KCNMA1: variants seen among roughly 807,000 people sequenced by gnomAD.
KCNMA1 encodes potassium calcium-activated channel subfamily M alpha 1, also known as Calcium-activated potassium channel subunit alpha-1.
KCNMA1 carries 29 observed loss-of-function variants against 140.0 expected under a neutral mutation model. That is an observed-to-expected ratio of 0.21 (90% confidence interval 0.15 to 0.28). KCNMA1 has a LOEUF of 0.28. Ranked by LOEUF, KCNMA1 falls within the 10% of genes least tolerant of loss-of-function variation. The pLI is 1.00. For synonymous variants in KCNMA1, 612 were observed against 611.9 expected (o/e 1.00, Z 0.00); for missense variants, 880 against 1,602.2 (o/e 0.55, Z 7.70).
At chr10:77,177,653 C>T (rs1304372632) in intron 5 of KCNMA1, among the ~76,000 whole-genome samples, 1 of 151,980 alleles carries the variant, frequency 6.6e-6, no homozygotes, top group Non-Finnish European at 1.5e-5. Flanking sequence ...GGGTACACAC[C>T]ATGCTCCACA....
intron 1 of KCNMA1, among the ~76,000 whole-genome samples, chr10:77,558,695 T>C (rs965894137): frequency 1.4e-4 from 22 of 152,032 alleles, no homozygotes; most frequent in African/African-American, 5.3e-4. Flanking sequence ...CCCCTGCCAG[T>C]TGAGAACACT....
chr10:77,260,163 G>C (rs563683584), intron 2 of KCNMA1, among the ~76,000 whole-genome samples: 3 of 152,274 alleles, frequency 2.0e-5, no homozygotes, highest in Admixed American at 2.0e-4. Context: ...TAGAGGTCGA[G>C]GGTCTGAGAC....
chr10:77,591,330 A>G (rs2079088427), intron 1 of KCNMA1, among the ~76,000 whole-genome samples: 3 of 152,228 alleles, frequency 2.0e-5, no homozygotes, highest in Non-Finnish European at 4.4e-5. Flanking sequence ...TTCAAGCCTC[A>G]GACCCACCTC....
chr10:77,001,489 C>G lies in KCNMA1; in HGVS notation c.2184G>C (p.Val728=), dbSNP rs769249964. The G allele has an allele frequency of 5.2e-6, 8 of 1,552,008 alleles. No homozygotes were observed. The highest frequency in any genetic ancestry group is 2.0e-5 in the Admixed American group (1 of 51,000). Residue 728 remains valine (V), a synonymous_variant, in exon 19 of 28, where the codon GTG becomes GTC. Coordinates refer to ENST00000286628, the MANE Select transcript of KCNMA1 (RefSeq NM_001161352.2). ...TCTCAAGGGTGTCCACGTTACCACG[C>G]ACACGGCCTGACATGCATGAGCAGT... The part of the protein sequence containing the change: ...ERDCSCMSGR[V]RGNVDTLERA...
At chr10:77,439,089 A>AGAGAT (rs1566856642) in intron 1 of KCNMA1, among the ~76,000 whole-genome samples, 1 of 69,978 alleles carries the variant, frequency 1.4e-5, no homozygotes. Context: ...AGAAAAGAAA[A>AGAGAT]GAGAAGAGAA....
Position 76,889,113 on chromosome 10 carries a change from C to A in KCNMA1, c.3461+338G>T, listed in dbSNP as rs143100204. On this transcript the variant is annotated intron_variant, in intron 27 of 27. Transcript: ENST00000286628. The stretch of plus-strand genomic sequence containing the variant: ...CAAAAAAACTTATCTTAAACACTAG[C>A]AATGTAAAATATCTCTATATTAGGT... Among the ~76,000 whole-genome samples, 4 of 152,188 alleles carry A rather than the reference C, an allele frequency of 2.6e-5. No homozygotes were observed. The East Asian group carries it at 7.7e-4, about 29-fold the overall frequency.
At chr10:77,240,098 A>T (rs2154226149) in intron 3 of KCNMA1, among the ~76,000 whole-genome samples, 1 of 152,332 alleles carries the variant, frequency 6.6e-6, no homozygotes, top group Non-Finnish European at 1.5e-5. Context: ...CTCTCTTCTT[A>T]TAAAAAAAGA....
At chr10:77,542,764 G>T (rs1259508549) in intron 1 of KCNMA1, among the ~76,000 whole-genome samples, 2 of 152,168 alleles carry the variant, frequency 1.3e-5, no homozygotes, top group Non-Finnish European at 2.9e-5. Context: ...GGGTGAGGGT[G>T]GGGGCAGGAA....
Position 77,178,518 on chromosome 10 carries a change from C to T in KCNMA1, c.808+4903G>A, listed in dbSNP as rs1477660320. Among the ~76,000 whole-genome samples the T allele has an allele frequency of 3.3e-5, 5 of 152,122 alleles. 1 individual carries two copies. In the East Asian group the frequency reaches 5.8e-4, roughly 18 times the overall value. Reference sequence around the variant, plus strand: ...GGTCAGGAGTTTGAGACCAGCCTGGCCAACATGGCGATCCCGTCTCTACTA... The same window carrying T: ...GGTCAGGAGTTTGAGACCAGCCTGGTCAACATGGCGATCCCGTCTCTACTA... On this transcript the variant is annotated intron_variant, in intron 5 of 27. Transcript: ENST00000286628.
intron 3 of KCNMA1, among the ~76,000 whole-genome samples, chr10:77,205,613 G>C (rs955379642): frequency 1.4e-5 from 2 of 140,662 alleles, no homozygotes; most frequent in South Asian, 2.2e-4. Flanking sequence ...GTCTTAGATT[G>C]ATGAAGGTTT....
chr10:77,567,372 T>C (rs970586556), intron 1 of KCNMA1, among the ~76,000 whole-genome samples: 4 of 152,226 alleles, frequency 2.6e-5, no homozygotes, highest in Non-Finnish European at 4.4e-5. Flanking sequence ...ACTGACCTTC[T>C]GGCTGGCAGC....
intron 2 of KCNMA1, among the ~76,000 whole-genome samples, chr10:77,366,110 C>CTTTCTTTCTT (rs10628738): frequency 0.81 from 120,966 of 150,018 alleles, 48,999 homozygotes; most frequent in Middle Eastern, 0.88. Context: ...CATGTTCTTT[C>CTTTCTTTCTT]TTTCTTTCTT....
intron 1 of KCNMA1, among the ~76,000 whole-genome samples, chr10:77,554,594 T>C (rs1431654012): frequency 4.3e-5 from 2 of 46,980 alleles, no homozygotes; most frequent in African/African-American, 1.2e-4. Flanking sequence ...TAATACTCCA[T>C]CTCAAAAAAA....
intron 12 of KCNMA1, chr10:77,079,797 C>T (rs970133448): frequency 1.8e-6 from 1 of 557,210 alleles, no homozygotes; most frequent in Non-Finnish European, 3.2e-6. Context: ...GCCATGGCAA[C>T]ACCCAGGAGG....
At chr10:77,630,476 A>G (rs2093049833) in intron 1 of KCNMA1, among the ~76,000 whole-genome samples, 1 of 152,118 alleles carries the variant, frequency 6.6e-6, no homozygotes, top group Non-Finnish European at 1.5e-5. Context: ...AGGCACCTGG[A>G]CCATCAGTTT....
At chr10:77,069,207 G>A (rs889267824) in intron 14 of KCNMA1, among the ~76,000 whole-genome samples, 9 of 152,298 alleles carry the variant, frequency 5.9e-5, no homozygotes, top group Non-Finnish European at 1.0e-4. Context: ...TGACAGGCTA[G>A]GAGTAGGAGA....
chr10:77,434,146 C>T (rs1315601666), intron 1 of KCNMA1, among the ~76,000 whole-genome samples: 1 of 152,232 alleles, frequency 6.6e-6, no homozygotes, highest in African/African-American at 2.4e-5. Flanking sequence ...CCACTAACTA[C>T]AAGCTCAGGC....
chr10:77,454,200 G>A (rs2097716126), intron 1 of KCNMA1, among the ~76,000 whole-genome samples: 1 of 152,044 alleles, frequency 6.6e-6, no homozygotes, highest in Admixed American at 6.6e-5. Flanking sequence ...AACCCATAAT[G>A]AAAAAATAGT....
chr10:77,046,372 C>T (rs2153608237), intron 14 of KCNMA1, among the ~76,000 whole-genome samples: 1 of 152,214 alleles, frequency 6.6e-6, no homozygotes, highest in South Asian at 2.1e-4. Flanking sequence ...ACGTATTTAT[C>T]ATGACCCCAC....
Sources: allele counts gnomAD v4.1 joint callset (sites outside exome capture counted in the v4.1 genomes callset), GRCh38; gene constraint gnomAD v4.1.1; transcripts MANE v1.5; gene names NCBI Gene and HGNC (gene_info 2026-07-23, HGNC 2026-07-21).